DHRS3: variants seen among roughly 807,000 people sequenced by gnomAD.
DHRS3 encodes short-chain dehydrogenase/reductase 3.
A neutral mutation model predicts 27.2 loss-of-function variants in DHRS3; 14 were observed. The observed-to-expected ratio is 0.52, with a 90% confidence interval of 0.34 to 0.81. The LOEUF is 0.81. DHRS3 is among the 30% of genes least tolerant of loss of function. DHRS3 has a pLI of 0.01. For missense variants in DHRS3, 322 were observed against 406.2 expected (o/e 0.79, Z 1.78); for synonymous variants, 165 against 175.9 (o/e 0.94, Z 0.49).
At position 12,608,275 on chromosome 1, in the gene DHRS3, T is replaced by C. The variant is rs916978400; in HGVS notation, c.195+8879A>G. Among the ~76,000 whole-genome samples the C allele has an allele frequency of 6.6e-6, 1 of 152,176 alleles. No individual in the cohort carries two copies. The highest frequency in any genetic ancestry group is 6.5e-5 in the Admixed American group (1 of 15,274). Reference sequence around the variant, plus strand: ...CACGTATATTACCAATCGTGTATGGTACCACAGACATGTAGAGTACCACGG... The same window carrying C: ...CACGTATATTACCAATCGTGTATGGCACCACAGACATGTAGAGTACCACGG... On this transcript the variant is annotated intron_variant, in intron 1 of 5. Coordinates refer to ENST00000616661, the MANE Select transcript of DHRS3 (RefSeq NM_004753.7). This position sits in a 1 kb window ranked among gnomAD's most constrained non-coding sequence, Gnocchi z 4.1.
At chr1:12,604,976 C>T (rs551278515) in intron 1 of DHRS3, among the ~76,000 whole-genome samples, 94 of 148,768 alleles carry the variant, frequency 6.3e-4, no homozygotes, top group African/African-American at 2.0e-3. Context: ...ACCTGGGAGG[C>T]GGAGGCAGGA....
chr1:12,603,667 C>A (rs1428264630), intron 1 of DHRS3, among the ~76,000 whole-genome samples: 1 of 152,138 alleles, frequency 6.6e-6, no homozygotes, highest in Non-Finnish European at 1.5e-5. Context: ...AGACAGGAGA[C>A]CGTGTTCCCT....
intron 4 of DHRS3, among the ~76,000 whole-genome samples, chr1:12,575,573 C>T (rs1209387105): frequency 6.6e-6 from 1 of 152,086 alleles, no homozygotes; most frequent in Non-Finnish European, 1.5e-5. Context: ...CTCTTCTGGC[C>T]GAGCCCTTGG....
chr1:12,582,969 C>T (rs1011857554), intron 1 of DHRS3, among the ~76,000 whole-genome samples: 5 of 150,664 alleles, frequency 3.3e-5, no homozygotes, highest in Non-Finnish European at 7.4e-5. Context: ...CCTACTTCTC[C>T]ACCCATCCAT....
At chr1:12,580,209 C>T in intron 2 of DHRS3, 1 of 413,102 alleles carries the variant, frequency 2.4e-6, no homozygotes, top group Non-Finnish European at 4.6e-6. Context: ...TATATTTAGC[C>T]CAAACAGATG....
chr1:12,579,112 A>C (rs1646619784), intron 3 of DHRS3, 156 bp from the exon 4 acceptor site: 5 of 1,276,902 alleles, frequency 3.9e-6, no homozygotes, highest in Non-Finnish European at 5.4e-6. Flanking sequence ...GCCCCAGGAC[A>C]CCGAGCATAT....
Position 12,617,239 on chromosome 1 carries a change from G to T in DHRS3, c.110C>A (p.Ser37Ter). ...GCCGGTGATGAGGACGTTCTCCCGC[G>T]ACAGGTCCCGCAGCTTGGCGGGCAG... ...LVLPAKLRDL[S>*]RENVLITGGG... The change falls in exon 1 of 6, where the codon TCG (serine) becomes TAG (stop). Residue 37 changes from serine (S) to a stop codon, truncating the protein, a stop_gained. Coordinates refer to ENST00000616661, the MANE Select transcript of DHRS3 (RefSeq NM_004753.7). LOFTEE classifies it high-confidence loss of function. The T allele has an allele frequency of 6.2e-7, 1 of 1,613,764 alleles. No individual in the cohort carries two copies. Among genetic ancestry groups the T allele is most frequent in the East Asian group, 2.2e-5 (1 of 44,858 alleles).
At chr1:12,600,114 A>G (rs564554683) in intron 1 of DHRS3, among the ~76,000 whole-genome samples, 3 of 152,286 alleles carry the variant, frequency 2.0e-5, no homozygotes, top group African/African-American at 7.2e-5. Flanking sequence ...GAGCCAGCAT[A>G]TGAACTTTGG....
intron 4 of DHRS3, among the ~76,000 whole-genome samples, chr1:12,577,291 C>T (rs1049300594): frequency 3.3e-5 from 5 of 152,202 alleles, no homozygotes; most frequent in East Asian, 1.9e-4. Context: ...GTACCACACA[C>T]GGTGTTCCCT....
At chr1:12,603,666 A>T (rs1028163423) in intron 1 of DHRS3, among the ~76,000 whole-genome samples, 8 of 152,154 alleles carry the variant, frequency 5.3e-5, no homozygotes, top group Middle Eastern at 6.8e-3. Context: ...CAGACAGGAG[A>T]CCGTGTTCCC....
chr1:12,613,157 A>G (rs1570404713), intron 1 of DHRS3, among the ~76,000 whole-genome samples: 1 of 152,038 alleles, frequency 6.6e-6, no homozygotes, highest in Admixed American at 6.5e-5. Flanking sequence ...TCCATAAGCC[A>G]AGGAGCATCA....
At chr1:12,602,084 G>T (rs1646839287) in intron 1 of DHRS3, among the ~76,000 whole-genome samples, 1 of 152,224 alleles carries the variant, frequency 6.6e-6, no homozygotes, top group Non-Finnish European at 1.5e-5. Flanking sequence ...CAGCCACAAA[G>T]CGTGGTGAGT....
intron 1 of DHRS3, among the ~76,000 whole-genome samples, chr1:12,611,280 T>C (rs1646907498): frequency 1.3e-5 from 2 of 152,190 alleles, no homozygotes; most frequent in African/African-American, 4.8e-5. Context: ...AGAGTCAGTA[T>C]TGCTAGATGG....
intron 1 of DHRS3, among the ~76,000 whole-genome samples, chr1:12,595,264 C>T (rs1570386230): frequency 2.6e-5 from 4 of 152,284 alleles, no homozygotes; most frequent in East Asian, 3.9e-4. Flanking sequence ...CGAGCTGCAG[C>T]CGGCTCGGTG....
intron 1 of DHRS3, among the ~76,000 whole-genome samples, chr1:12,600,877 G>C (rs1646831152): frequency 6.6e-6 from 1 of 151,996 alleles, no homozygotes; most frequent in Non-Finnish European, 1.5e-5. Flanking sequence ...GCTGGACTTT[G>C]GTGGCTGAGC....
intron 1 of DHRS3, among the ~76,000 whole-genome samples, chr1:12,604,654 T>C (rs1309301571): frequency 1.3e-5 from 2 of 152,166 alleles, no homozygotes; most frequent in Admixed American, 6.5e-5. Context: ...TGAGATTATT[T>C]GTTGCAGTGG....
In DHRS3 at chr1:12,592,575, C is replaced by T. The variant is rs989649643; in HGVS notation, c.196-11909G>A. On this transcript the variant is annotated intron_variant, in intron 1 of 5. Coordinates refer to ENST00000616661, the MANE Select transcript of DHRS3 (RefSeq NM_004753.7). This position sits in a 1 kb window ranked among gnomAD's most constrained non-coding sequence, Gnocchi z 4.2. ...CAAGGAAGGATCCTTCCCTAGAGCC[C>T]GGGAGGGAGTGGGGCCCTGCTGACA... 5.3e-5 allele frequency among the ~76,000 whole-genome samples: 8 copies of T among 152,168 alleles called. No homozygotes were observed. Among genetic ancestry groups the T allele is most frequent in the East Asian group, 3.8e-4 (2 of 5,198 alleles).
chr1:12,606,670 T>C (rs1557531722), intron 1 of DHRS3, among the ~76,000 whole-genome samples: 1 of 151,642 alleles, frequency 6.6e-6, no homozygotes, highest in Non-Finnish European at 1.5e-5. Flanking sequence ...TTTTTTTTTG[T>C]ATTTTTAGTA....
intron 2 of DHRS3, 116 bp from the exon 3 acceptor site, chr1:12,579,528 T>C: frequency 6.9e-7 from 1 of 1,449,628 alleles, no homozygotes; most frequent in South Asian, 1.4e-5. Context: ...CAGGCTGGAG[T>C]GCAGTGGCAC....
Sources: gnomAD v4.1 joint callset for allele counts (sites outside exome capture counted in the v4.1 genomes callset) on GRCh38, gnomAD v4.1.1 for gene constraint, Gnocchi (gnomAD v3.1) non-coding constraint, MANE v1.5 for transcripts, NCBI Gene and HGNC (gene_info 2026-07-23, HGNC 2026-07-21) for gene names.